The following CNTNAP2 variants were observed in gnomAD, a reference collection of about 807,000 sequenced individuals.
The protein encoded by CNTNAP2 is contactin-associated protein-like 2.
A neutral mutation model predicts 155.2 loss-of-function variants in CNTNAP2; 98 were observed. That is an observed-to-expected ratio of 0.63 (90% confidence interval 0.54 to 0.75). CNTNAP2 has a LOEUF of 0.75. Among genes scored for constraint, CNTNAP2 ranks in the 30% least tolerant of loss-of-function variants. The pLI is 0.00. For synonymous variants in CNTNAP2, 651 were observed against 631.2 expected, an observed-to-expected ratio of 1.03 and a Z score of -0.47; for missense variants, 1,727 against 1,688.1, an observed-to-expected ratio of 1.02 and a Z score of -0.40.
chr7:148,184,154 C>T (rs1443373562), intron 18 of CNTNAP2, among the ~76,000 whole-genome samples: 1 of 152,018 alleles, frequency 6.6e-6, no homozygotes, highest in African/African-American at 2.4e-5. Context: ...ATATGTAAAC[C>T]AGGCACGGTG....
intron 1 of CNTNAP2, among the ~76,000 whole-genome samples, chr7:146,234,631 A>AT (rs1799441564): frequency 6.6e-6 from 1 of 151,718 alleles, no homozygotes; most frequent in Non-Finnish European, 1.5e-5. Flanking sequence ...TCTTGAATTA[A>AT]TTTTTGTATA....
chr7:146,348,692 T>G (rs1794866020), intron 1 of CNTNAP2, among the ~76,000 whole-genome samples: 3 of 151,498 alleles, frequency 2.0e-5, no homozygotes. Flanking sequence ...TCTGATGTAT[T>G]AATATCATCT....
rs774556107 is a variant in CNTNAP2, at chr7:146,714,907, G to A, written c.98-59364G>A. ...TTATTTGGGTTACCAGAGGTTAGGC[G>A]CTTAACCTCTTTCTTTGCTAGTTTT... On this transcript the variant is annotated intron_variant, in intron 1 of 23. Transcript: ENST00000361727. Among the ~76,000 whole-genome samples, 27 of 152,252 alleles carry A rather than the reference G, an allele frequency of 1.8e-4. No homozygotes were observed. The East Asian group carries it at 2.3e-3, about 13-fold the overall frequency.
intron 9 of CNTNAP2, among the ~76,000 whole-genome samples, chr7:147,369,029 T>C (rs1208365172): frequency 6.6e-6 from 1 of 152,198 alleles, no homozygotes; most frequent in African/African-American, 2.4e-5. Context: ...TCACAAGTAG[T>C]AACTTGCTGA....
intron 11 of CNTNAP2, among the ~76,000 whole-genome samples, chr7:147,545,672 G>T (rs1037486657): frequency 6.6e-6 from 1 of 152,156 alleles, no homozygotes; most frequent in African/African-American, 2.4e-5. Flanking sequence ...TGGTTAGTCT[G>T]TTCCTCAGCT....
chr7:146,583,733 C>G (rs971809743), intron 1 of CNTNAP2, among the ~76,000 whole-genome samples: 1 of 151,894 alleles, frequency 6.6e-6, no homozygotes, highest in Non-Finnish European at 1.5e-5. Flanking sequence ...TATCAGTTTC[C>G]TTTAGCATTA....
intron 9 of CNTNAP2, among the ~76,000 whole-genome samples, chr7:147,332,351 G>A (rs1264426506): frequency 6.6e-6 from 1 of 152,096 alleles, no homozygotes; most frequent in East Asian, 1.9e-4. Context: ...TAATGATGAA[G>A]TTATCCATTA....
rs1468399855 is a variant in CNTNAP2 at position 148,420,581 on chromosome 7, AC to A, written c.*4967del. The A allele has an allele frequency of 6.6e-6, 1 of 152,264 alleles. No homozygotes were observed. The highest frequency in any genetic ancestry group is 1.5e-5 in the Non-Finnish European group (1 of 68,036). 9.4% of individuals were successfully genotyped at this position (152,264 alleles called of 1,614,324 possible). A position where few individuals can be genotyped will look rare whatever the true frequency, so the allele number is the denominator to read the frequency against. ...AAAATTGTGCTATAAGAACAGCTCT[AC>A]CAAGACAGTCTGCACCATTTCCAAG... On this transcript the variant is annotated 3_prime_UTR_variant, in exon 24 of 24. Transcript: ENST00000361727.
chr7:146,849,329 C>A (rs780703052), intron 3 of CNTNAP2, among the ~76,000 whole-genome samples: 3 of 152,080 alleles, frequency 2.0e-5, no homozygotes, highest in African/African-American at 4.8e-5. Flanking sequence ...GGCTGAGAAC[C>A]ATGATGTCCC....
At chr7:146,219,898 G>T (rs1405146183) in intron 1 of CNTNAP2, among the ~76,000 whole-genome samples, 1 of 152,064 alleles carries the variant, frequency 6.6e-6, no homozygotes, top group Non-Finnish European at 1.5e-5. Flanking sequence ...ATGGCTCATA[G>T]AATTTTAGAG....
chr7:146,576,315 A>C (rs1332484362), intron 1 of CNTNAP2, among the ~76,000 whole-genome samples: 1 of 152,174 alleles, frequency 6.6e-6, no homozygotes, highest in Non-Finnish European at 1.5e-5. Flanking sequence ...TTAAAAGAGA[A>C]TTTTCCCAAC....
At position 146,619,121 on chromosome 7, in the gene CNTNAP2, T is replaced by A. The variant is rs1799276945; in HGVS notation, c.98-155150T>A. ...TTCTAAAATAATAAAAAAGTCACTT[T>A]AAAAAATCTTAAAATATGAAAATGA... On this transcript the variant is annotated intron_variant, in intron 1 of 23. Coordinates refer to ENST00000361727, the MANE Select transcript of CNTNAP2 (RefSeq NM_014141.6). Among the ~76,000 whole-genome samples, 6 of 152,148 alleles carry A rather than the reference T, an allele frequency of 3.9e-5. No individual in the cohort carries two copies. The South Asian group carries it at 1.2e-3, about 32-fold the overall frequency.
intron 1 of CNTNAP2, among the ~76,000 whole-genome samples, chr7:146,498,610 ACTTTTT>A (rs1215051063): frequency 6.6e-6 from 1 of 152,026 alleles, no homozygotes; most frequent in Non-Finnish European, 1.5e-5. Context: ...TTTTAGATTG[ACTTTTT>A]CTTTGATTTG....
At chr7:146,846,491 G>C (rs1803844677) in intron 3 of CNTNAP2, among the ~76,000 whole-genome samples, 1 of 152,168 alleles carries the variant, frequency 6.6e-6, no homozygotes, top group Non-Finnish European at 1.5e-5. Flanking sequence ...TCTTAGGCTG[G>C]ATAATATTTT....
At chr7:146,560,401 ATG>A (rs1019034002) in intron 1 of CNTNAP2, among the ~76,000 whole-genome samples, 16 of 151,986 alleles carry the variant, frequency 1.1e-4, no homozygotes, top group African/African-American at 2.9e-4. Flanking sequence ...GTATGTGTAT[ATG>A]TGTGTGTATA....
chr7:147,137,536 T>C (rs1452843310), intron 8 of CNTNAP2, among the ~76,000 whole-genome samples: 2 of 151,830 alleles, frequency 1.3e-5, no homozygotes, highest in Non-Finnish European at 2.9e-5. Context: ...TTCTGAAAAG[T>C]ATGATGCTTA....
intron 3 of CNTNAP2, among the ~76,000 whole-genome samples, chr7:146,874,380 C>G (rs1369437697): frequency 1.3e-5 from 2 of 151,792 alleles, no homozygotes; most frequent in Non-Finnish European, 2.9e-5. Flanking sequence ...GCTCTGTCAC[C>G]AAGGCTGGAA....
At chr7:146,484,459 G>T (rs73741711) in intron 1 of CNTNAP2, among the ~76,000 whole-genome samples, 4,089 of 152,138 alleles carry the variant, frequency 0.027, 180 homozygotes, top group African/African-American at 0.091. Context: ...GTGAGATTTT[G>T]TTTTAAACTT....
chr7:147,452,215 C>T (rs1048420760), intron 10 of CNTNAP2, among the ~76,000 whole-genome samples: 1 of 152,158 alleles, frequency 6.6e-6, no homozygotes, highest in Admixed American at 6.5e-5. Context: ...TATATGAATA[C>T]ACATATCAGA....
Sources: gnomAD v4.1 joint callset for allele counts (sites outside exome capture counted in the v4.1 genomes callset) on GRCh38, gnomAD v4.1.1 for gene constraint, MANE v1.5 for transcripts, NCBI Gene and HGNC (gene_info 2026-07-23, HGNC 2026-07-21) for gene names.